The following PTPRK variants were observed in gnomAD, a reference collection of about 807,000 sequenced individuals.
PTPRK encodes receptor-type tyrosine-protein phosphatase kappa.
Under a neutral mutation model 178.0 loss-of-function variants are expected in PTPRK, and 75 were observed. That is an observed-to-expected ratio of 0.42 (90% CI 0.35 to 0.51). The LOEUF is 0.51. Ranked by LOEUF, PTPRK falls within the 20% of genes least tolerant of loss-of-function variation. PTPRK has a pLI of 0.02. For synonymous variants in PTPRK, 637 were observed against 620.6 expected (o/e 1.03, Z -0.39); for missense variants, 1,441 against 1,797.8 (o/e 0.80, Z 3.59).
chr6:128,360,279 C>T (rs990195145), intron 2 of PTPRK, among the ~76,000 whole-genome samples: 1 of 152,090 alleles, frequency 6.6e-6, no homozygotes, highest in Non-Finnish European at 1.5e-5. Flanking sequence ...AAGTAACAGG[C>T]CAGAGTACTA....
At position 127,992,660 on chromosome 6, in the gene PTPRK, G is replaced by T; in HGVS notation, c.2881+13C>A. The T allele has an allele frequency of 6.3e-7, 1 of 1,586,546 alleles. No homozygotes were observed. On this transcript the variant is annotated intron_variant, in intron 19 of 29. Transcript: ENST00000368226. Reference sequence around the variant, plus strand: ...TTGTTTTTTCTATAACATTTAACAAGGCAAAGTTTTACCTTGGGTTGCAAT... The same window carrying T: ...TTGTTTTTTCTATAACATTTAACAATGCAAAGTTTTACCTTGGGTTGCAAT...
At chr6:128,001,134 A>C (rs1777785313) in intron 15 of PTPRK, 1 of 1,314,520 alleles carries the variant, frequency 7.6e-7, no homozygotes, top group African/African-American at 1.5e-5. Context: ...ACATTTAAGA[A>C]TAATAACTTG....
At position 128,296,792 on chromosome 6, in the gene PTPRK, G is replaced by A. The variant is rs151034459; in HGVS notation, c.495+25247C>T. Reference sequence around the variant, plus strand: ...ATCATGCCAAATTGTAAAGACCATCGAGGCTAGGAAGAAACTATATCAACT... The same window carrying A: ...ATCATGCCAAATTGTAAAGACCATCAAGGCTAGGAAGAAACTATATCAACT... On this transcript the variant is annotated intron_variant, in intron 3 of 29. Transcript: ENST00000368226. Among the ~76,000 whole-genome samples the A allele has an allele frequency of 9.7e-3, 1,480 of 152,186 alleles. 21 individuals are homozygous for A. Among genetic ancestry groups the A allele is most frequent in the African/African-American group, 0.034 (1,409 of 41,514 alleles).
At chr6:128,362,963 T>C (rs933108436) in intron 2 of PTPRK, among the ~76,000 whole-genome samples, 4 of 152,170 alleles carry the variant, frequency 2.6e-5, no homozygotes, top group African/African-American at 9.6e-5. Context: ...TAGGTCCTCA[T>C]GAACTGAAGT....
At chr6:128,038,141 T>A (rs1450194617) in intron 13 of PTPRK, among the ~76,000 whole-genome samples, 1 of 152,272 alleles carries the variant, frequency 6.6e-6, no homozygotes, top group East Asian at 1.9e-4. Context: ...GTAATACGCA[T>A]ATTTATCTAA....
At chr6:128,396,737 C>T (rs181104093) in intron 2 of PTPRK, among the ~76,000 whole-genome samples, 52 of 152,232 alleles carry the variant, frequency 3.4e-4, no homozygotes, top group Middle Eastern at 3.4e-3. Flanking sequence ...CGGTGGCTCA[C>T]GCTTGTAATC....
chr6:128,014,442 G>A (rs1779374479), intron 13 of PTPRK, among the ~76,000 whole-genome samples: 1 of 75,268 alleles, frequency 1.3e-5, no homozygotes. Flanking sequence ...TAGAGTGAAT[G>A]CCTTCATCTA....
At chr6:128,468,449 A>G (rs565597979) in intron 1 of PTPRK, among the ~76,000 whole-genome samples, 8 of 152,250 alleles carry the variant, frequency 5.3e-5, no homozygotes, top group Admixed American at 5.2e-4. Context: ...AATACAATAC[A>G]ATACAATACA....
chr6:128,443,718 G>A (rs763257149), intron 1 of PTPRK, among the ~76,000 whole-genome samples: 1 of 152,226 alleles, frequency 6.6e-6, no homozygotes, highest in African/African-American at 2.4e-5. Context: ...AGCAGGGAAG[G>A]TTGGAGGAAG....
chr6:128,039,396 TCATAAATAAGTCTGAAAAGAAATGCCCA>T (rs559036260), intron 13 of PTPRK, among the ~76,000 whole-genome samples: 5 of 152,150 alleles, frequency 3.3e-5, no homozygotes, highest in Non-Finnish European at 7.4e-5. Flanking sequence ...GGGTCTATGT[TCATAAATAAGTCTGAAAAGAAATGCCCA>T]CATTAAGTAA....
intron 1 of PTPRK, among the ~76,000 whole-genome samples, chr6:128,456,144 A>G (rs974558475): frequency 1.3e-4 from 20 of 152,096 alleles, no homozygotes; most frequent in Non-Finnish European, 2.2e-4. Flanking sequence ...GAATGGGGTG[A>G]CATCATCGAT....
At chr6:127,973,609 A>G (rs1019193697) in intron 28 of PTPRK, 55 bp downstream of exon 28, 11 of 1,589,630 alleles carry the variant, frequency 6.9e-6, no homozygotes, top group Non-Finnish European at 9.4e-6. Flanking sequence ...AACATTGAAA[A>G]TGAGAAAATA....
intron 2 of PTPRK, among the ~76,000 whole-genome samples, chr6:128,366,778 T>C (rs1179483115): frequency 1.3e-5 from 2 of 152,166 alleles, no homozygotes; most frequent in East Asian, 1.9e-4. Flanking sequence ...TGTGGGTTCA[T>C]GAAACATAAA....
intron 7 of PTPRK, among the ~76,000 whole-genome samples, chr6:128,128,520 C>T (rs967312383): frequency 2.6e-5 from 4 of 152,206 alleles, no homozygotes; most frequent in Non-Finnish European, 4.4e-5. Context: ...CATTTTGGCA[C>T]ATCATGACCA....
chr6:128,369,147 C>CTGAAAGTA, intron 2 of PTPRK, among the ~76,000 whole-genome samples: 1 of 1,570 alleles, frequency 6.4e-4, no homozygotes, highest in East Asian at 0.071. Flanking sequence ...GGTTATTTCC[C>CTGAAAGTA]CATTACTGTC....
At chr6:128,139,202 T>C (rs1795431689) in intron 7 of PTPRK, among the ~76,000 whole-genome samples, 1 of 152,046 alleles carries the variant, frequency 6.6e-6, no homozygotes, top group South Asian at 2.1e-4. Context: ...AACAACATTA[T>C]GGAGAACATT....
At chr6:127,993,175 A>C (rs1460303815) in intron 18 of PTPRK, among the ~76,000 whole-genome samples, 1 of 151,786 alleles carries the variant, frequency 6.6e-6, no homozygotes, top group Non-Finnish European at 1.5e-5. Context: ...GCATGTGTGC[A>C]TCCAATCAAA....
chr6:128,050,157 G>T (rs143426304), intron 13 of PTPRK, among the ~76,000 whole-genome samples: 37 of 151,918 alleles, frequency 2.4e-4, no homozygotes, highest in African/African-American at 8.2e-4. Flanking sequence ...AAAATAGATA[G>T]AGCAAATCAA....
chr6:128,464,662 T>TACACAC, intron 1 of PTPRK, among the ~76,000 whole-genome samples: 2 of 112,856 alleles, frequency 1.8e-5, no homozygotes, highest in African/African-American at 7.8e-5. Context: ...TATATATATA[T>TACACAC]ATATATATAT....
Sources: gnomAD v4.1 joint callset for allele counts (sites outside exome capture counted in the v4.1 genomes callset) on GRCh38, gnomAD v4.1.1 for gene constraint, MANE v1.5 for transcripts, NCBI Gene and HGNC (gene_info 2026-07-23, HGNC 2026-07-21) for gene names.